UNC45B: variants seen among roughly 807,000 people sequenced by gnomAD.
UNC45B encodes unc-45 myosin chaperone B.
Under a neutral mutation model 98.7 loss-of-function variants are expected in UNC45B, and 78 were observed. That is an observed-to-expected ratio of 0.79 (90% confidence interval 0.66 to 0.95). UNC45B has a LOEUF of 0.95. Ranked by LOEUF, UNC45B falls within the 40% of genes least tolerant of loss-of-function variation. UNC45B has a pLI of 0.00. For synonymous variants in UNC45B, 462 were observed against 480.4 expected, an observed-to-expected ratio of 0.96 and a Z score of 0.50; for missense variants, 1,225 against 1,184.9, an observed-to-expected ratio of 1.03 and a Z score of -0.50.
rs2142618160 is a variant in UNC45B at position 35,186,444 on chromosome 17, T to A, written c.2675T>A (p.Ile892Asn). 6.2e-7 allele frequency: 1 copy of A among 1,614,194 alleles called. No homozygotes were observed. Among genetic ancestry groups the A allele is most frequent in the Non-Finnish European group, 8.5e-7 (1 of 1,180,026 alleles). ...KKLVESELLE[I>N]LTVVGKQEPD... ...CTGGTGGAGAGTGAGCTGCTGGAGATCCTGACTGTGGTGGGCAAACAGGAG... is the reference window on the plus strand; with the variant it reads ...CTGGTGGAGAGTGAGCTGCTGGAGAACCTGACTGTGGTGGGCAAACAGGAG... Residue 892 changes from isoleucine to asparagine, a missense_variant, in exon 20 of 20, where the codon ATC (isoleucine) becomes AAC (asparagine). Physicochemically the swap from Ile to Asn is moderately radical, Grantham distance 149. Transcript: ENST00000394570.
Position 35,148,944 on chromosome 17 carries a change from G to A in UNC45B, c.169-29G>A, listed in dbSNP as rs369143882. The stretch of plus-strand genomic sequence containing the variant: ...TCTCTGCATTGGGCCCACATTAACC[G>A]AGTCTCCTTCTCCTTCCCCTTTCCT... On this transcript the variant is annotated intron_variant, in intron 2 of 19. Transcript: ENST00000394570. 127 of 1,613,766 alleles carry A rather than the reference G, an allele frequency of 7.9e-5. No homozygotes were observed. In the Middle Eastern group the frequency reaches 3.6e-3, roughly 46 times the overall value.
chr17:35,160,451 T>C (rs2092095071), intron 8 of UNC45B, among the ~76,000 whole-genome samples: 3 of 152,198 alleles, frequency 2.0e-5, no homozygotes, highest in African/African-American at 4.8e-5. Context: ...TATTTATTTC[T>C]TTTTAGAGAC....
intron 7 of UNC45B, 49 bp from the exon 8 acceptor site, chr17:35,159,326 T>C: frequency 1.3e-6 from 2 of 1,537,408 alleles, no homozygotes; most frequent in Non-Finnish European, 1.8e-6. Context: ...GTCATATATA[T>C]GTGAGATTTC....
chr17:35,183,255 C>T (rs2092284267), intron 18 of UNC45B, among the ~76,000 whole-genome samples, 172 bp from the exon 19 acceptor site: 1 of 150,876 alleles, frequency 6.6e-6, no homozygotes. Context: ...GAATTTGTAG[C>T]CCCTTCATTC....
At position 35,150,174 on chromosome 17, in the gene UNC45B, A is replaced by C; in HGVS notation, c.332A>C (p.Gln111Pro). The C allele has an allele frequency of 6.2e-7, 1 of 1,613,868 alleles. No individual in the cohort carries two copies. The highest frequency in any genetic ancestry group is 8.5e-7 in the Non-Finnish European group (1 of 1,179,846). The stretch of plus-strand genomic sequence containing the variant: ...TGTGCCACCCTCGAGCCACGGAACC[A>C]GAACTTCCAGGAGATGCTGAGGAGA... Reference protein sequence around the residue: ...QRCATLEPRNQNFQEMLRRLN... With the variant: ...QRCATLEPRNPNFQEMLRRLN... The change falls in exon 4 of 20, where the codon CAG (glutamine) becomes CCG (proline). Residue 111 changes from glutamine (Q) to proline (P), a missense_variant. Transcript: ENST00000394570.
At chr17:35,183,214 A>T (rs905837317) in intron 18 of UNC45B, among the ~76,000 whole-genome samples, 1 of 149,154 alleles carries the variant, frequency 6.7e-6, no homozygotes, top group African/African-American at 2.5e-5. Context: ...AGCACACTAG[A>T]TGGGGAATTC....
chr17:35,166,599 C>G (rs2142560054), intron 9 of UNC45B, among the ~76,000 whole-genome samples: 1 of 152,294 alleles, frequency 6.6e-6, no homozygotes, highest in South Asian at 2.1e-4. Context: ...GGAATACATC[C>G]CGCTTCATCA....
intron 8 of UNC45B, among the ~76,000 whole-genome samples, chr17:35,160,720 G>A (rs1229233309): frequency 3.9e-5 from 6 of 152,306 alleles, no homozygotes; most frequent in East Asian, 1.9e-4. Flanking sequence ...TTACAGGCGC[G>A]AGCCATGGCA....
In UNC45B at chr17:35,176,911, T is replaced by C. The variant is rs2092237803; in HGVS notation, c.2026-106T>C. ...GCAAGGGCTGATTATACGGCAGAAT[T>C]TTCCTGGACCTCCCATGGGACAGAC... On this transcript the variant is annotated intron_variant, in intron 15 of 19. Coordinates refer to ENST00000394570, the MANE Select transcript of UNC45B (RefSeq NM_001267052.2). The C allele has an allele frequency of 1.9e-5, 15 of 806,066 alleles. No homozygotes were observed. In the South Asian group the frequency reaches 2.5e-4, roughly 13 times the overall value. 49.9% of individuals were successfully genotyped at this position (806,066 alleles called of 1,614,324 possible). A position where few individuals can be genotyped will look rare whatever the true frequency, so the allele number is the denominator to read the frequency against.
chr17:35,178,491 C>G (rs1240539393), intron 17 of UNC45B, among the ~76,000 whole-genome samples: 2 of 152,124 alleles, frequency 1.3e-5, no homozygotes, highest in Admixed American at 1.3e-4. Context: ...TGTAGGTTGC[C>G]TGTTCATTCT....
chr17:35,186,415 G>A lies in UNC45B; in HGVS notation c.2646G>A (p.Lys882=). The change falls in exon 20 of 20, where the codon AAG becomes AAA. Residue 882 remains lysine (K), a synonymous_variant. Coordinates refer to ENST00000394570, the MANE Select transcript of UNC45B (RefSeq NM_001267052.2). ...TGGCAGCCGATGCTGAGCTGGCCAA[G>A]AAGCTGGTGGAGAGTGAGCTGCTGG... The part of the protein sequence containing the change: ...NLLAADAELA[K]KLVESELLEI... 3 of 1,614,258 alleles carry A rather than the reference G, an allele frequency of 1.9e-6. No homozygotes were observed. The highest frequency in any genetic ancestry group is 2.5e-6 in the Non-Finnish European group (3 of 1,180,046).
chr17:35,187,787 C>G lies in UNC45B; in HGVS notation c.*1228C>G, dbSNP rs1050783329. The G allele has an allele frequency of 2.6e-5, 4 of 152,226 alleles. No individual in the cohort carries two copies. Among genetic ancestry groups the G allele is most frequent in the African/African-American group, 9.7e-5 (4 of 41,450 alleles). The allele number at this position is 152,226 out of a possible 1,614,324, so 9.4% of individuals were successfully genotyped here. A position where few individuals can be genotyped will look rare whatever the true frequency, so the allele number is the denominator to read the frequency against. ...TAATATGCTGTAGATCAGAACCTCT[C>G]TGCTAATATTGCCTTTTTAGCATGG... On this transcript the variant is annotated 3_prime_UTR_variant, in exon 20 of 20. Transcript: ENST00000394570.
At chr17:35,148,873 C>A in intron 2 of UNC45B, 100 bp from the exon 3 acceptor site, 10 of 1,447,382 alleles carry the variant, frequency 6.9e-6, no homozygotes, top group Non-Finnish European at 4.8e-6. Flanking sequence ...GCCTGCAGCT[C>A]CCCCAGGAAA....
At chr17:35,156,803 C>CT (rs937570463) in intron 7 of UNC45B, among the ~76,000 whole-genome samples, 8 of 151,270 alleles carry the variant, frequency 5.3e-5, no homozygotes, top group Admixed American at 1.3e-4. Flanking sequence ...TCTTTCCTCT[C>CT]TTTTTTTTTA....
At position 35,177,081 on chromosome 17, in the gene UNC45B, C is replaced by G; in HGVS notation, c.2090C>G (p.Ala697Gly). The G allele has an allele frequency of 1.9e-6, 3 of 1,614,196 alleles. No individual in the cohort carries two copies. The highest frequency in any genetic ancestry group is 2.5e-6 in the Non-Finnish European group (3 of 1,180,044). ...AAGGTGAAGGCAGCCCACGCTCTAG[C>G]AAAGATCGCTGCTGTCTCCAATCCG... The part of the protein sequence containing the change: ...VGKVKAAHAL[A>G]KIAAVSNPDI... The change falls in exon 16 of 20, where the codon GCA (alanine) becomes GGA (glycine). Residue 697 changes from alanine (A) to glycine (G), a missense_variant. Physicochemically the swap from Ala to Gly is moderately conservative, Grantham distance 60 (BLOSUM62 0). Coordinates refer to ENST00000394570, the MANE Select transcript of UNC45B (RefSeq NM_001267052.2).
At chr17:35,177,248 G>A in intron 16 of UNC45B, 118 bp downstream of exon 16, 1 of 984,414 alleles carries the variant, frequency 1.0e-6, no homozygotes, top group Non-Finnish European at 1.5e-6. Context: ...GTCACACGGA[G>A]GGTGATGCAT....
chr17:35,148,166 G>A, intron 1 of UNC45B, 98 bp from the exon 2 acceptor site: 1 of 1,374,264 alleles, frequency 7.3e-7, no homozygotes, highest in Non-Finnish European at 1.0e-6. Context: ...ATCCTCTCTG[G>A]TGTGAGGGGA....
At chr17:35,184,790 A>G (rs911972709) in intron 19 of UNC45B, among the ~76,000 whole-genome samples, 5 of 152,172 alleles carry the variant, frequency 3.3e-5, no homozygotes, top group African/African-American at 1.2e-4. Flanking sequence ...GGGCTCAGAC[A>G]TCTTGGCTGC....
At chr17:35,183,796 C>T (rs985929674) in intron 19 of UNC45B, among the ~76,000 whole-genome samples, 5 of 152,220 alleles carry the variant, frequency 3.3e-5, no homozygotes, top group African/African-American at 9.6e-5. Flanking sequence ...CTAGCTCAAA[C>T]CCTCCCACTG....
Sources: allele counts gnomAD v4.1 joint callset (sites outside exome capture counted in the v4.1 genomes callset), GRCh38; gene constraint gnomAD v4.1.1; transcripts MANE v1.5; gene names NCBI Gene and HGNC (gene_info 2026-07-23, HGNC 2026-07-21).